CNTN4: variants seen among roughly 807,000 people sequenced by gnomAD.
CNTN4 encodes the protein contactin 4.
Under a neutral mutation model 122.5 loss-of-function variants are expected in CNTN4, and 77 were observed. That is an observed-to-expected ratio of 0.63 (90% CI 0.52 to 0.76). CNTN4 has a LOEUF of 0.76. Among genes scored for constraint, CNTN4 ranks in the 30% least tolerant of loss-of-function variants. The pLI is 0.00. For synonymous variants in CNTN4, 512 were observed against 447.0 expected, an observed-to-expected ratio of 1.15 and a Z score of -1.83; for missense variants, 1,256 against 1,259.1, an observed-to-expected ratio of 1.00 and a Z score of 0.04.
intron 6 of CNTN4, among the ~76,000 whole-genome samples, chr3:2,750,968 A>G (rs2090059041): frequency 6.6e-6 from 1 of 152,066 alleles, no homozygotes. Context: ...AATTCCTTAT[A>G]AGTGTTTCTA....
intron 3 of CNTN4, among the ~76,000 whole-genome samples, chr3:2,419,257 GGTAACATTCCA>G (rs1335166284): frequency 8.6e-5 from 13 of 152,000 alleles, no homozygotes; most frequent in Non-Finnish European, 1.3e-4. Context: ...AATGAATATA[GGTAACATTCCA>G]CTCTAATGTA....
chr3:2,900,855 T>C, intron 11 of CNTN4, 34 bp downstream of exon 11: 1 of 1,613,204 alleles, frequency 6.2e-7, no homozygotes, highest in Non-Finnish European at 8.5e-7. Context: ...GCCTTAGTCT[T>C]GACTATAACG....
At chr3:2,516,126 G>A (rs956375848) in intron 3 of CNTN4, among the ~76,000 whole-genome samples, 2 of 151,822 alleles carry the variant, frequency 1.3e-5, no homozygotes, top group African/African-American at 2.4e-5. Context: ...CTATTCTGGA[G>A]TTTGAATATT....
intron 16 of CNTN4, among the ~76,000 whole-genome samples, chr3:3,032,688 C>T (rs1699273277): frequency 6.6e-6 from 1 of 152,184 alleles, no homozygotes; most frequent in Admixed American, 6.5e-5. Flanking sequence ...TAACCTATAG[C>T]ACTGTAATGG....
chr3:2,638,178 C>G (rs1327489502), intron 4 of CNTN4, among the ~76,000 whole-genome samples: 1 of 152,148 alleles, frequency 6.6e-6, no homozygotes, highest in Non-Finnish European at 1.5e-5. Flanking sequence ...TAACTTCTAC[C>G]TTAATGCCCA....
In CNTN4 at chr3:2,742,901, A is replaced by C. The variant is rs1448081065; in HGVS notation, c.183-2621A>C. ...TTGGAATGAACAGTGACTGCATTGC[A>C]ATAAAACTTGGTATAGCGCTTTGTA... is the stretch of plus-strand genomic sequence containing the variant. On this transcript the variant is annotated intron_variant, in intron 5 of 24. Coordinates refer to ENST00000418658, the MANE Select transcript of CNTN4 (RefSeq NM_175607.3). 2.6e-5 allele frequency among the ~76,000 whole-genome samples: 4 copies of C among 152,220 alleles called. No homozygotes were observed. In the South Asian group the frequency reaches 8.3e-4, roughly 31 times the overall value.
chr3:2,212,553 A>C (rs1377131743), intron 2 of CNTN4, among the ~76,000 whole-genome samples: 1 of 152,078 alleles, frequency 6.6e-6, no homozygotes, highest in Non-Finnish European at 1.5e-5. Flanking sequence ...TACCACAAAA[A>C]CAGTATGAAG....
chr3:2,811,734 G>A (rs2092616817), intron 6 of CNTN4, among the ~76,000 whole-genome samples: 1 of 151,670 alleles, frequency 6.6e-6, no homozygotes, highest in Non-Finnish European at 1.5e-5. Context: ...GCGCGATCTC[G>A]GCTCACTGCA....
At chr3:2,402,333 G>T (rs2046886952) in intron 3 of CNTN4, among the ~76,000 whole-genome samples, 1 of 152,110 alleles carries the variant, frequency 6.6e-6, no homozygotes, top group Admixed American at 6.6e-5. Context: ...TTTTGGAAAG[G>T]AGATGTAGAT....
intron 2 of CNTN4, chr3:2,144,223 C>G (rs904679397): frequency 1.3e-5 from 2 of 152,184 alleles, no homozygotes; most frequent in African/African-American, 4.8e-5. Context: ...TGATCTGTTT[C>G]TTTGGCTACA....
At chr3:2,797,827 G>A (rs7648037) in intron 6 of CNTN4, among the ~76,000 whole-genome samples, 39,169 of 151,458 alleles carry the variant, frequency 0.26, 5,732 homozygotes, top group Non-Finnish European at 0.32. Context: ...TGTTAACAAT[G>A]TCTGTTACAC....
intron 2 of CNTN4, among the ~76,000 whole-genome samples, chr3:2,230,008 A>G (rs891599768): frequency 7.7e-6 from 1 of 130,394 alleles, no homozygotes; most frequent in Admixed American, 7.1e-5. Context: ...TTCTTAACCT[A>G]AAGTTTCTCT....
chr3:2,576,174 C>T (rs535868131), intron 4 of CNTN4, among the ~76,000 whole-genome samples: 7 of 152,286 alleles, frequency 4.6e-5, no homozygotes, highest in Admixed American at 3.9e-4. Context: ...CCCTACTAGA[C>T]TGTAAGGTTT....
intron 2 of CNTN4, among the ~76,000 whole-genome samples, chr3:2,251,278 C>T (rs1201540378): frequency 2.6e-5 from 4 of 151,864 alleles, no homozygotes; most frequent in African/African-American, 9.7e-5. Flanking sequence ...TAATGAAATC[C>T]ACTGATGTTA....
intron 3 of CNTN4, among the ~76,000 whole-genome samples, chr3:2,391,511 C>A (rs1471760746): frequency 1.3e-5 from 2 of 152,088 alleles, no homozygotes; most frequent in African/African-American, 4.8e-5. Context: ...AGATGAAAAC[C>A]AGATATACCA....
At chr3:2,814,277 A>C (rs1344679859) in intron 6 of CNTN4, among the ~76,000 whole-genome samples, 1 of 152,242 alleles carries the variant, frequency 6.6e-6, no homozygotes, top group Admixed American at 6.5e-5. Context: ...ATTTTGAGAA[A>C]CAATGGTGCA....
chr3:3,026,153 A>G lies in CNTN4; in HGVS notation c.1538A>G (p.Glu513Gly). The change falls in exon 15 of 25, where the codon GAG (glutamate) becomes GGG (glycine). Residue 513 changes from glutamate to glycine, a missense_variant. Physicochemically the swap from Glu to Gly is moderately conservative, Grantham distance 98. Transcript: ENST00000418658. ...PPSSMDVTVG[E>G]SIVLPCQVTH... ...TCCAGTATGGATGTCACTGTTGGAG[A>G]GAGTATTGTTTTACCGTGCCAGGTA... is the stretch of plus-strand genomic sequence containing the variant. The G allele has an allele frequency of 6.2e-7, 1 of 1,613,404 alleles. No homozygotes were observed. Among genetic ancestry groups the G allele is most frequent in the South Asian group, 1.1e-5 (1 of 91,056 alleles).
intron 3 of CNTN4, among the ~76,000 whole-genome samples, chr3:2,567,424 G>A (rs750073194): frequency 6.6e-6 from 1 of 152,018 alleles, no homozygotes; most frequent in Admixed American, 6.6e-5. Context: ...AAAGATGATT[G>A]GAGACCAGGC....
chr3:2,510,242 A>G (rs376257723), intron 3 of CNTN4, among the ~76,000 whole-genome samples: 1 of 152,118 alleles, frequency 6.6e-6, no homozygotes, highest in Non-Finnish European at 1.5e-5. Flanking sequence ...GTGAAGGTCT[A>G]TTTTCTAGAT....
Sources: gnomAD v4.1 joint callset for allele counts (sites outside exome capture counted in the v4.1 genomes callset) on GRCh38, gnomAD v4.1.1 for gene constraint, MANE v1.5 for transcripts, NCBI Gene and HGNC (gene_info 2026-07-23, HGNC 2026-07-21) for gene names.